The following UTRN variants were observed in gnomAD, a reference collection of about 807,000 sequenced individuals.
UTRN encodes the protein utrophin, also known as dystrophin-related protein 1.
In UTRN, 283 loss-of-function variants were observed where a neutral mutation model predicts 463.9. The ratio of observed to expected loss-of-function variants is 0.61; its 90% CI spans 0.55 to 0.67. The LOEUF (loss-of-function observed/expected upper bound fraction) is 0.67. UTRN is among the 30% of genes least tolerant of loss of function. The pLI is 0.00. For synonymous variants in UTRN, 1,442 were observed against 1,431.5 expected (o/e 1.01, Z -0.17); for missense variants, 3,922 against 4,084.3 (o/e 0.96, Z 1.08).
At chr6:144,407,283 A>G (rs1584652859) in intron 3 of UTRN, among the ~76,000 whole-genome samples, 2 of 152,204 alleles carry the variant, frequency 1.3e-5, no homozygotes, top group South Asian at 4.1e-4. Flanking sequence ...AATGACAATG[A>G]CATAGACATA....
intron 2 of UTRN, among the ~76,000 whole-genome samples, chr6:144,394,448 A>G (rs1375613358): frequency 1.3e-5 from 2 of 152,200 alleles, no homozygotes; most frequent in Non-Finnish European, 2.9e-5. Context: ...TCCATGATTT[A>G]TCTTCTACCA....
chr6:144,295,695 A>G (rs899234108), intron 2 of UTRN, among the ~76,000 whole-genome samples: 42 of 152,334 alleles, frequency 2.8e-4, no homozygotes, highest in Admixed American at 2.5e-3. Context: ...GCACACCTCC[A>G]ATGATGGCAT....
chr6:144,442,703 A>G (rs1210802045), intron 13 of UTRN, among the ~76,000 whole-genome samples: 3 of 152,224 alleles, frequency 2.0e-5, no homozygotes, highest in Non-Finnish European at 4.4e-5. Flanking sequence ...AGCATGGGAA[A>G]GATCTGCCCC....
chr6:144,537,806 A>G lies in UTRN; in HGVS notation c.6369+89A>G. 4 of 1,505,728 alleles carry G rather than the reference A, an allele frequency of 2.7e-6. No homozygotes were observed. In the South Asian group the frequency reaches 4.0e-5, roughly 15 times the overall value. The allele number at this position is 1,505,728 out of a possible 1,614,324, so 93.3% of individuals were successfully genotyped here. ...ACTGCGTGTCTCAAGAAGAAAAGGGAAAAGAAACTTTGTACTTTTTGGTAA... is the reference window on the plus strand; with the variant it reads ...ACTGCGTGTCTCAAGAAGAAAAGGGGAAAGAAACTTTGTACTTTTTGGTAA... On this transcript the variant is annotated intron_variant, in intron 44 of 74. Coordinates refer to ENST00000367545, the MANE Select transcript of UTRN (RefSeq NM_007124.3).
intron 44 of UTRN, 75 bp downstream of exon 44, chr6:144,537,792 C>T (rs913715686): frequency 6.6e-7 from 1 of 1,519,828 alleles, no homozygotes; most frequent in Non-Finnish European, 8.8e-7. Flanking sequence ...CTGCGTGTCT[C>T]AAGAAGAAAA....
At chr6:144,775,917 T>G (rs1775283857) in intron 60 of UTRN, among the ~76,000 whole-genome samples, 1 of 152,228 alleles carries the variant, frequency 6.6e-6, no homozygotes, top group African/African-American at 2.4e-5. Flanking sequence ...GAAGGGACGC[T>G]TCTCCAACTT....
intron 51 of UTRN, among the ~76,000 whole-genome samples, chr6:144,637,452 A>G (rs1777298302): frequency 6.6e-6 from 1 of 151,776 alleles, no homozygotes; most frequent in African/African-American, 2.4e-5. Flanking sequence ...ATAGATTTTT[A>G]CACTATGAAA....
intron 48 of UTRN, among the ~76,000 whole-genome samples, chr6:144,553,637 C>G (rs1375655395): frequency 6.6e-6 from 1 of 152,150 alleles, no homozygotes; most frequent in Non-Finnish European, 1.5e-5. Flanking sequence ...AAGTTTCCAG[C>G]CGGGTGCGTT....
In UTRN at chr6:144,774,345, A is replaced by G. The variant is rs749540240; in HGVS notation, c.8613A>G (p.Arg2871=). The G allele has an allele frequency of 1.9e-6, 3 of 1,602,562 alleles. No homozygotes were observed. Among genetic ancestry groups the G allele is most frequent in the Non-Finnish European group, 2.5e-6 (3 of 1,176,906 alleles). The change falls in exon 60 of 75, where the codon AGA becomes AGG. Residue 2871 remains arginine, a synonymous_variant. Transcript: ENST00000367545. ...ACCGTACAGCAATCAAAATCCGAAG[A>G]CTACAAAAAGCACTATGTTGTGAGT... ...SAYRTAIKIR[R]LQKALCLDLL... is the part of the protein sequence containing the mutation.
At chr6:144,822,192 C>A (rs2128753616) in intron 66 of UTRN, among the ~76,000 whole-genome samples, 1 of 151,994 alleles carries the variant, frequency 6.6e-6, no homozygotes, top group East Asian at 1.9e-4. Context: ...ATTTGGTCTG[C>A]AGACCAAAAT....
intron 3 of UTRN, among the ~76,000 whole-genome samples, chr6:144,413,873 G>A (rs1212833673): frequency 4.6e-5 from 7 of 151,952 alleles, no homozygotes; most frequent in African/African-American, 1.5e-4. Flanking sequence ...ATACAATTAT[G>A]GCTCACTGCA....
At chr6:144,599,974 T>C (rs1408865144) in intron 51 of UTRN, among the ~76,000 whole-genome samples, 1 of 152,160 alleles carries the variant, frequency 6.6e-6, no homozygotes, top group Non-Finnish European at 1.5e-5. Context: ...TTTCGAACTT[T>C]TTCATTATTA....
At chr6:144,782,190 A>AT in intron 61 of UTRN, 67 bp downstream of exon 61, 1 of 1,362,642 alleles carries the variant, frequency 7.3e-7, no homozygotes, top group East Asian at 2.6e-5. Context: ...AAAATGTCTG[A>AT]TTTTTAAGTG....
At chr6:144,723,170 A>G (rs186474463) in intron 53 of UTRN, among the ~76,000 whole-genome samples, 2 of 152,360 alleles carry the variant, frequency 1.3e-5, no homozygotes, top group East Asian at 3.9e-4. Flanking sequence ...AGAGAAAAGG[A>G]TATTTGCTAT....
intron 51 of UTRN, among the ~76,000 whole-genome samples, chr6:144,659,392 A>C (rs1779631990): frequency 6.6e-6 from 1 of 152,248 alleles, no homozygotes; most frequent in African/African-American, 2.4e-5. Context: ...GAGCTGCCAG[A>C]GCCCACTGAG....
At chr6:144,571,746 C>T (rs75694946) in intron 50 of UTRN, among the ~76,000 whole-genome samples, 3,818 of 152,150 alleles carry the variant, frequency 0.025, 163 homozygotes, top group African/African-American at 0.086. Flanking sequence ...TTAATAATTG[C>T]CTTATTTTTA....
chr6:144,487,417 T>A, intron 28 of UTRN, 131 bp from the exon 29 acceptor site: 1 of 878,006 alleles, frequency 1.1e-6, no homozygotes, highest in Non-Finnish European at 1.6e-6. Flanking sequence ...TTACTTAACT[T>A]TTGGTCCTGT....
At chr6:144,766,760 T>C (rs1195433431) in intron 58 of UTRN, among the ~76,000 whole-genome samples, 2 of 151,592 alleles carry the variant, frequency 1.3e-5, no homozygotes, top group Admixed American at 6.6e-5. Flanking sequence ...AGGTGATAAC[T>C]AGCAGAAAAT....
At chr6:144,452,668 G>A (rs763400182) in intron 18 of UTRN, among the ~76,000 whole-genome samples, 2 of 151,924 alleles carry the variant, frequency 1.3e-5, no homozygotes, top group Non-Finnish European at 2.9e-5. Context: ...TGTGGGTTGG[G>A]CTTGCCATGG....
Sources: gnomAD v4.1 joint callset for allele counts (sites outside exome capture counted in the v4.1 genomes callset) on GRCh38, gnomAD v4.1.1 for gene constraint, MANE v1.5 for transcripts, NCBI Gene and HGNC (gene_info 2026-07-23, HGNC 2026-07-21) for gene names.